SPTBN1: variants seen among roughly 807,000 people sequenced by gnomAD.
SPTBN1 encodes spectrin beta chain, non-erythrocytic 1.
A neutral mutation model predicts 266.4 loss-of-function variants in SPTBN1; 32 were observed. The ratio of observed to expected loss-of-function variants is 0.12; its 90% confidence interval spans 0.09 to 0.16. The LOEUF (loss-of-function observed/expected upper bound fraction) is 0.16, where lower values mean the gene tolerates loss of function less well. Among genes scored for constraint, SPTBN1 ranks in the 10% least tolerant of loss-of-function variants. The pLI, the probability that SPTBN1 is intolerant of heterozygous loss-of-function variation, is 1.00. For synonymous variants in SPTBN1, 1,336 were observed against 1,162.2 expected, an observed-to-expected ratio of 1.15 and a Z score of -3.04; for missense variants, 2,296 against 3,067.1, an observed-to-expected ratio of 0.75 and a Z score of 5.94.
intron 1 of SPTBN1, among the ~76,000 whole-genome samples, chr2:54,490,093 T>C (rs976713405): frequency 2.0e-5 from 3 of 151,880 alleles, no homozygotes; most frequent in Non-Finnish European, 4.4e-5. Flanking sequence ...TTTTTTTTTT[T>C]TTTGTGAGGC....
rs1433436579 is a variant in SPTBN1 at position 54,668,627 on chromosome 2, A to T, written c.*58A>T. On this transcript the variant is annotated 3_prime_UTR_variant, in exon 36 of 36. Coordinates refer to ENST00000356805, the MANE Select transcript of SPTBN1 (RefSeq NM_003128.3). ...CCTTTTCAGTGAAATTCCAGCATGC[A>T]AGCTCAGAACCAACACATTACTCTC... The T allele has an allele frequency of 6.7e-7, 1 of 1,502,932 alleles. No homozygotes were observed. Among genetic ancestry groups the T allele is most frequent in the Non-Finnish European group, 9.1e-7 (1 of 1,104,636 alleles). 93.1% of individuals were successfully genotyped at this position (1,502,932 alleles called of 1,614,324 possible).
At chr2:54,638,271 T>G (rs1161651603) in intron 18 of SPTBN1, among the ~76,000 whole-genome samples, 2 of 152,234 alleles carry the variant, frequency 1.3e-5, no homozygotes, top group African/African-American at 2.4e-5. Context: ...TTGTGCAACC[T>G]AGAAGTATTT....
intron 4 of SPTBN1, among the ~76,000 whole-genome samples, chr2:54,613,889 G>A (rs1427216790): frequency 6.6e-6 from 1 of 152,168 alleles, no homozygotes; most frequent in Admixed American, 6.5e-5. Context: ...ATTTCTGTTA[G>A]CTTTGGCCTG....
chr2:54,581,165 C>T (rs1350425156), intron 2 of SPTBN1, among the ~76,000 whole-genome samples: 1 of 151,978 alleles, frequency 6.6e-6, no homozygotes, highest in Non-Finnish European at 1.5e-5. Context: ...TAATCTCATA[C>T]AACATGTTTT....
intron 32 of SPTBN1, chr2:54,661,335 G>C: frequency 1.0e-6 from 1 of 985,806 alleles, no homozygotes; most frequent in Non-Finnish European, 1.2e-6. Flanking sequence ...ACATTCACTT[G>C]CTCTTTTGCC....
At chr2:54,577,774 A>G (rs551550434) in intron 2 of SPTBN1, among the ~76,000 whole-genome samples, 32 of 152,188 alleles carry the variant, frequency 2.1e-4, no homozygotes, top group Non-Finnish European at 3.8e-4. Context: ...ATTTTTAACC[A>G]TCTTGCTGTG....
intron 2 of SPTBN1, among the ~76,000 whole-genome samples, chr2:54,552,276 C>T (rs902852803): frequency 5.3e-5 from 8 of 152,118 alleles, no homozygotes; most frequent in Non-Finnish European, 7.4e-5. Context: ...ATTATAGCCA[C>T]GAGGACTGTA....
At chr2:54,577,750 C>T (rs1000947308) in intron 2 of SPTBN1, among the ~76,000 whole-genome samples, 9 of 152,202 alleles carry the variant, frequency 5.9e-5, no homozygotes, top group African/African-American at 1.9e-4. Flanking sequence ...CCACGCAGTG[C>T]GCTTTGGGAC....
chr2:54,648,239 G>A (rs75487700), intron 24 of SPTBN1, among the ~76,000 whole-genome samples: 3,231 of 152,322 alleles, frequency 0.021, 118 homozygotes, highest in African/African-American at 0.071. Flanking sequence ...CTCTGTTGGT[G>A]TAGGAGGTTC....
At chr2:54,635,728 A>G (rs1173066127) in intron 17 of SPTBN1, among the ~76,000 whole-genome samples, 1 of 152,200 alleles carries the variant, frequency 6.6e-6, no homozygotes, top group Non-Finnish European at 1.5e-5. Flanking sequence ...GCCAAAGGGA[A>G]TGGAATCCTT....
At chr2:54,506,573 C>G (rs573930608) in intron 1 of SPTBN1, among the ~76,000 whole-genome samples, 2 of 151,164 alleles carry the variant, frequency 1.3e-5, no homozygotes, top group Non-Finnish European at 2.9e-5. Context: ...TAATACTCTT[C>G]GAAGCTGAGA....
At chr2:54,623,720 A>G (rs1035162747) in intron 10 of SPTBN1, 124 bp downstream of exon 10, 38 of 746,778 alleles carry the variant, frequency 5.1e-5, no homozygotes, top group East Asian at 2.7e-5. Context: ...CGAATTGACA[A>G]TTGGCAGCTG....
At chr2:54,568,156 G>A (rs1573432887) in intron 2 of SPTBN1, among the ~76,000 whole-genome samples, 1 of 152,106 alleles carries the variant, frequency 6.6e-6, no homozygotes, top group East Asian at 1.9e-4. Context: ...TGAGGCGGGC[G>A]GATCACCAGA....
At chr2:54,556,699 G>C (rs1416590027) in intron 2 of SPTBN1, among the ~76,000 whole-genome samples, 2 of 152,068 alleles carry the variant, frequency 1.3e-5, no homozygotes, top group Non-Finnish European at 2.9e-5. Context: ...TTGTGTGTGT[G>C]GGCGGGGGGT....
chr2:54,603,823 T>A (rs1573510400), intron 3 of SPTBN1, among the ~76,000 whole-genome samples: 1 of 152,172 alleles, frequency 6.6e-6, no homozygotes, highest in Admixed American at 6.5e-5. Context: ...AAAATCTATG[T>A]TTAATTAAAA....
At chr2:54,595,994 T>C (rs1676057961) in intron 2 of SPTBN1, among the ~76,000 whole-genome samples, 1 of 84,440 alleles carries the variant, frequency 1.2e-5, no homozygotes, top group South Asian at 2.9e-4. Flanking sequence ...TTGTAAGTGC[T>C]ACCTTTTTGT....
At chr2:54,576,474 T>C (rs78150271) in intron 2 of SPTBN1, among the ~76,000 whole-genome samples, 2 of 152,196 alleles carry the variant, frequency 1.3e-5, no homozygotes, top group African/African-American at 4.8e-5. Flanking sequence ...ATTTTTTTTT[T>C]ACTCTATACT....
chr2:54,502,599 G>T (rs1669332300), intron 1 of SPTBN1, among the ~76,000 whole-genome samples: 1 of 152,186 alleles, frequency 6.6e-6, no homozygotes, highest in African/African-American at 2.4e-5. Flanking sequence ...TGTACATCAG[G>T]AAAGGTTAAT....
chr2:54,668,254 C>T (rs1681505882), intron 35 of SPTBN1, 97 bp from the exon 36 acceptor site: 1 of 1,162,688 alleles, frequency 8.6e-7, no homozygotes, highest in Non-Finnish European at 1.3e-6. Flanking sequence ...TCTGCTTACC[C>T]CTCAGTTGGC....
Sources: gnomAD v4.1 joint callset for allele counts (sites outside exome capture counted in the v4.1 genomes callset) on GRCh38, gnomAD v4.1.1 for gene constraint, MANE v1.5 for transcripts, NCBI Gene and HGNC (gene_info 2026-07-23, HGNC 2026-07-21) for gene names.